Variants in DCAF16 observed in about 807,000 individuals in gnomAD.
DCAF16 encodes the protein DDB1 and CUL4 associated factor 16.
A neutral mutation model predicts 17.3 loss-of-function variants in DCAF16; 10 were observed. The observed-to-expected ratio is 0.58, with a 90% CI of 0.36 to 0.98. The LOEUF (loss-of-function observed/expected upper bound fraction) is 0.98. DCAF16 is among the 50% of genes least tolerant of loss of function. The pLI is 0.01. For missense variants in DCAF16, 249 were observed against 247.6 expected (o/e 1.01, Z -0.04); for synonymous variants, 111 against 92.8 (o/e 1.20, Z -1.12).
chr4:17,808,632 G>A (rs2286539), intron 1 of DCAF16, among the ~76,000 whole-genome samples: 40,456 of 151,788 alleles, frequency 0.27, 7,372 homozygotes, highest in African/African-American at 0.51. Context: ...AAAACTAACC[G>A]AAATATAGTT....
At chr4:17,805,052 A>G (rs1577318517) in intron 2 of DCAF16, 55 bp downstream of exon 2, 2 of 141,280 alleles carry the variant, frequency 1.4e-5, no homozygotes. Flanking sequence ...CTGATCCCTT[A>G]TGCCCCAAAC....
downstream of DCAF16, among the ~76,000 whole-genome samples, chr4:17,797,054 C>T (rs1286616222): frequency 2.6e-5 from 4 of 152,108 alleles, no homozygotes; most frequent in African/African-American, 7.2e-5. Flanking sequence ...CCTCAAACTC[C>T]TCAGCTCAAG....
chr4:17,805,821 C>T (rs1720274166), intron 1 of DCAF16, among the ~76,000 whole-genome samples: 1 of 152,108 alleles, frequency 6.6e-6, no homozygotes, highest in African/African-American at 2.4e-5. Context: ...AAAATTTAGC[C>T]AGGCGTGGTG....
chr4:17,808,684 T>C (rs907956202), intron 1 of DCAF16, among the ~76,000 whole-genome samples: 12 of 151,866 alleles, frequency 7.9e-5, no homozygotes, highest in Non-Finnish European at 1.3e-4. Context: ...CTTCTGTAAC[T>C]GACAAAATGG....
the DCAF16 span, among the ~76,000 whole-genome samples, chr4:17,795,109 C>T: frequency 6.6e-6 from 1 of 152,174 alleles, no homozygotes; most frequent in Non-Finnish European, 1.5e-5. Flanking sequence ...CTTAAGGTAT[C>T]TTTATTTTAG....
the DCAF16 span, among the ~76,000 whole-genome samples, chr4:17,794,703 C>A: frequency 6.6e-6 from 1 of 152,088 alleles, no homozygotes; most frequent in Non-Finnish European, 1.5e-5. Flanking sequence ...GCATCTACTG[C>A]AATTGTGGAG....
At chr4:17,793,695 T>C in the DCAF16 span, among the ~76,000 whole-genome samples, 1 of 152,174 alleles carries the variant, frequency 6.6e-6, no homozygotes, top group Non-Finnish European at 1.5e-5. Context: ...GCGAGATGTA[T>C]AGACTAGGAA....
In DCAF16 at chr4:17,803,498, G is replaced by A; in HGVS notation, c.644C>T (p.Ser215Leu). Residue 215 changes from serine to leucine, a missense_variant, in exon 3 of 3, where the codon TCA (serine) becomes TTA (leucine). Ser to Leu is a moderately radical substitution (Grantham distance 145). Transcript: ENST00000382247. ...QKAVNKLLTASL is the reference protein window; with the variant it reads ...QKAVNKLLTALL ...AGAGCAAATGGTAGATCTTTACAGT[G>A]ATGCAGTTAGGAGTTTGTTAACTGC... The A allele has an allele frequency of 6.2e-7, 1 of 1,613,152 alleles. No individual in the cohort carries two copies. Among genetic ancestry groups the A allele is most frequent in the Non-Finnish European group, 8.5e-7 (1 of 1,179,226 alleles).
chr4:17,803,928 T>G lies in DCAF16; in HGVS notation c.214A>C (p.Asn72His), dbSNP rs1560211128. The G allele has an allele frequency of 1.2e-6, 2 of 1,613,974 alleles. No homozygotes were observed. Among genetic ancestry groups the G allele is most frequent in the Non-Finnish European group, 1.7e-6 (2 of 1,180,034 alleles). ...YSTTWKPLNP[N>H]SWLYHAKLLD... ...AGTTTAGCATGATACAACCAGGAAT[T>G]AGGATTTAAAGGTTTCCAAGTTGTG... The change falls in exon 3 of 3, where the codon AAT (asparagine) becomes CAT (histidine). Residue 72 changes from asparagine to histidine, a missense_variant. Coordinates refer to ENST00000382247, the MANE Select transcript of DCAF16 (RefSeq NM_017741.4).
chr4:17,809,599 T>C (rs1002302864), intron 1 of DCAF16: 5 of 152,206 alleles, frequency 3.3e-5, no homozygotes, highest in African/African-American at 1.2e-4. Flanking sequence ...TAATGTTCTA[T>C]TTCTTCAGCT....
At chr4:17,808,093 A>C (rs1309584645) in intron 1 of DCAF16, among the ~76,000 whole-genome samples, 1 of 152,248 alleles carries the variant, frequency 6.6e-6, no homozygotes, top group Admixed American at 6.5e-5. Context: ...AATGTTAGAC[A>C]AAGACAAATG....
chr4:17,805,368 A>T (rs1720226296), intron 1 of DCAF16, 143 bp from the exon 2 acceptor site: 1 of 152,210 alleles, frequency 6.6e-6, no homozygotes, highest in African/African-American at 2.4e-5. Context: ...ATCACTTAAC[A>T]GAATCCAACA....
At chr4:17,793,802 A>G in the DCAF16 span, among the ~76,000 whole-genome samples, 1 of 152,204 alleles carries the variant, frequency 6.6e-6, no homozygotes, top group African/African-American at 2.4e-5. Flanking sequence ...AAAAAAATCA[A>G]GTACACTTAT....
chr4:17,794,909 C>A, the DCAF16 span, among the ~76,000 whole-genome samples: 999 of 152,282 alleles, frequency 6.6e-3, 15 homozygotes, highest in African/African-American at 0.023. Flanking sequence ...TACCTACTTC[C>A]TGGAACCTCT....
intron 1 of DCAF16, 134 bp downstream of exon 1, chr4:17,810,313 G>C (rs1720781149): frequency 1.3e-5 from 2 of 152,270 alleles, no homozygotes; most frequent in Non-Finnish European, 2.9e-5. Context: ...ATCTAGAAAC[G>C]GCAGCAGCTA....
At chr4:17,797,906 C>G (rs904298552), downstream of DCAF16, among the ~76,000 whole-genome samples, 2 of 152,214 alleles carry the variant, frequency 1.3e-5, no homozygotes, top group South Asian at 4.1e-4. Flanking sequence ...TAGTATCAGG[C>G]ATAGGCTGAG....
At position 17,803,767 on chromosome 4, in the gene DCAF16, T is replaced by C. The variant is rs776282040; in HGVS notation, c.375A>G (p.Gln125=). 5.0e-6 allele frequency: 8 copies of C among 1,614,028 alleles called. No homozygotes were observed. Among genetic ancestry groups the C allele is most frequent in the South Asian group, 2.2e-5 (2 of 91,086 alleles). The change falls in exon 3 of 3, where the codon CAA becomes CAG. Residue 125 remains glutamine (Q), a synonymous_variant. Transcript: ENST00000382247. ...GCCGGCTGGGACTTGTAAGAGGCTTTTGAAAAGGTGGGACTCCACAAGAGG... is the reference window on the plus strand; with the variant it reads ...GCCGGCTGGGACTTGTAAGAGGCTTCTGAAAAGGTGGGACTCCACAAGAGG... ...PLASCGVPPF[Q]KPLTSPSRLS...
At chr4:17,793,577 T>A in the DCAF16 span, among the ~76,000 whole-genome samples, 2 of 152,150 alleles carry the variant, frequency 1.3e-5, no homozygotes, top group African/African-American at 4.8e-5. Context: ...AAGAAGTACA[T>A]TGCTGAAAGA....
rs1459672007 is a variant in DCAF16, at chr4:17,800,761, C to T, written c.*2730G>A. The stretch of plus-strand genomic sequence containing the variant: ...TTCATGAGCAAGGCACTTTTATACA[C>T]ACACAGAGAGAAAAAGGAACGTATT... On this transcript the variant is annotated 3_prime_UTR_variant, in exon 3 of 3. Transcript: ENST00000382247. 1 of 152,558 alleles carries T rather than the reference C, an allele frequency of 6.6e-6. No individual in the cohort carries two copies. The highest frequency in any genetic ancestry group is 1.5e-5 in the Non-Finnish European group (1 of 68,030). The allele number at this position is 152,558 out of a possible 1,614,324, so 9.5% of individuals were successfully genotyped here. A position where few individuals can be genotyped will look rare whatever the true frequency, so the allele number is the denominator to read the frequency against.
Sources: gnomAD v4.1 joint callset for allele counts (sites outside exome capture counted in the v4.1 genomes callset) on GRCh38, gnomAD v4.1.1 for gene constraint, MANE v1.5 for transcripts, NCBI Gene and HGNC (gene_info 2026-07-23, HGNC 2026-07-21) for gene names.